The following EXOC1 variants were observed in gnomAD, a reference collection of about 807,000 sequenced individuals.
The protein encoded by EXOC1 is SEC3-like 1.
Under a neutral mutation model 107.7 loss-of-function variants are expected in EXOC1, and 67 were observed. The ratio of observed to expected loss-of-function variants is 0.62; its 90% CI spans 0.51 to 0.76. EXOC1 has a LOEUF of 0.76. Ranked by LOEUF, EXOC1 falls within the 30% of genes least tolerant of loss-of-function variation. EXOC1 has a pLI of 0.00. For synonymous variants in EXOC1, 348 were observed against 353.5 expected (o/e 0.98, Z 0.17); for missense variants, 833 against 1,055.7 (o/e 0.79, Z 2.92).
At chr4:55,876,049 C>T (rs1577719534) in intron 8 of EXOC1, 4 of 984,294 alleles carry the variant, frequency 4.1e-6, no homozygotes, top group Non-Finnish European at 4.8e-6. Context: ...GAAAACATTT[C>T]TGTAATAGAA....
At chr4:55,900,568 A>G (rs902637339) in intron 17 of EXOC1, 1 of 152,204 alleles carries the variant, frequency 6.6e-6, no homozygotes, top group Non-Finnish European at 1.5e-5. Context: ...GTTATCTTTT[A>G]TAAGCTCTTA....
At chr4:55,872,630 GA>G (rs997629346) in intron 8 of EXOC1, 16 of 194,874 alleles carry the variant, frequency 8.2e-5, no homozygotes, top group Middle Eastern at 5.2e-3. Context: ...GTTATAGAAT[GA>G]AAAAAAATTG....
intron 6 of EXOC1, 97 bp downstream of exon 6, chr4:55,871,002 T>G (rs1722378357): frequency 1.3e-6 from 2 of 1,550,100 alleles, no homozygotes; most frequent in Admixed American, 3.9e-5. Context: ...GAACAGGATT[T>G]AAAATAATTC....
At chr4:55,902,287 A>G in intron 17 of EXOC1, 57 bp from the exon 18 acceptor site, 2 of 1,280,378 alleles carry the variant, frequency 1.6e-6, no homozygotes, top group Non-Finnish European at 2.0e-6. Context: ...AGATTTTTTT[A>G]ATGTAAATAA....
chr4:55,890,659 C>T (rs1724425538), intron 12 of EXOC1, among the ~76,000 whole-genome samples: 1 of 151,986 alleles, frequency 6.6e-6, no homozygotes. Context: ...GTTGTTTGGG[C>T]ACCTAAAAAG....
At position 55,875,651 on chromosome 4, in the gene EXOC1, T is replaced by A. The variant is rs778440269; in HGVS notation, c.1075-2266T>A. 19 of 985,150 alleles carry A rather than the reference T, an allele frequency of 1.9e-5. No individual in the cohort carries two copies. In the Admixed American group the frequency reaches 1.2e-3, roughly 61 times the overall value. The allele number at this position is 985,150 out of a possible 1,614,324, so 61.0% of individuals were successfully genotyped here. A position where few individuals can be genotyped will look rare whatever the true frequency, so the allele number is the denominator to read the frequency against. ...TGAGTCTTGAATCATTGAGAAAAAT[T>A]AATGAGGAAGATTGTTTTGGATAAC... On this transcript the variant is annotated intron_variant, in intron 8 of 18. Transcript: ENST00000381295.
intron 18 of EXOC1, 77 bp from the exon 19 acceptor site, chr4:55,904,266 G>A (rs1441226409): frequency 1.5e-6 from 2 of 1,364,576 alleles, no homozygotes; most frequent in Non-Finnish European, 2.0e-6. Context: ...CTTAGAATAT[G>A]CCTTGGCATT....
chr4:55,860,007 C>T (rs1721328105), intron 2 of EXOC1, among the ~76,000 whole-genome samples: 1 of 152,098 alleles, frequency 6.6e-6, no homozygotes, highest in Non-Finnish European at 1.5e-5. Flanking sequence ...ATCGCTGGAG[C>T]CCAGGAGTTT....
chr4:55,890,504 A>C, intron 12 of EXOC1, 118 bp downstream of exon 12: 2 of 592,408 alleles, frequency 3.4e-6, no homozygotes, highest in Admixed American at 3.2e-5. Context: ...AGCATTAACC[A>C]TGTCTTTCCA....
At chr4:55,884,279 C>T (rs945119738) in intron 10 of EXOC1, among the ~76,000 whole-genome samples, 1 of 152,088 alleles carries the variant, frequency 6.6e-6, no homozygotes, top group Admixed American at 6.6e-5. Flanking sequence ...TTAACTGATT[C>T]CCTAAAAGAC....
intron 5 of EXOC1, among the ~76,000 whole-genome samples, chr4:55,869,421 G>A (rs141153521): frequency 6.6e-6 from 1 of 152,164 alleles, no homozygotes; most frequent in East Asian, 1.9e-4. Flanking sequence ...TTATGCTAGA[G>A]TAATCTAAAA....
At chr4:55,895,258 A>T (rs957182729) in intron 15 of EXOC1, among the ~76,000 whole-genome samples, 7 of 152,180 alleles carry the variant, frequency 4.6e-5, no homozygotes, top group African/African-American at 1.7e-4. Context: ...AAGTCTGGGC[A>T]CTTTGCACAC....
At chr4:55,899,291 T>G (rs1725608697) in intron 16 of EXOC1, among the ~76,000 whole-genome samples, 2 of 152,138 alleles carry the variant, frequency 1.3e-5, no homozygotes, top group African/African-American at 4.8e-5. Flanking sequence ...CTTTAGTACT[T>G]ATGATTGTAT....
chr4:55,895,000 A>G (rs927918976), intron 15 of EXOC1, among the ~76,000 whole-genome samples: 45 of 152,182 alleles, frequency 3.0e-4, no homozygotes, highest in Admixed American at 1.2e-3. Context: ...TTCTCAAGGC[A>G]TGGCACTAGA....
At chr4:55,863,270 G>C (rs564246438) in intron 3 of EXOC1, among the ~76,000 whole-genome samples, 2 of 152,080 alleles carry the variant, frequency 1.3e-5, no homozygotes, top group East Asian at 3.9e-4. Context: ...GTGGATTATT[G>C]CTATAATGTG....
intron 9 of EXOC1, chr4:55,882,741 A>C (rs1723525284): frequency 6.6e-6 from 1 of 152,226 alleles, no homozygotes; most frequent in Non-Finnish European, 1.5e-5. Context: ...ATATTTACAC[A>C]ACATGTACCT....
chr4:55,881,227 G>A (rs1723347718), intron 9 of EXOC1, among the ~76,000 whole-genome samples: 1 of 152,104 alleles, frequency 6.6e-6, no homozygotes, highest in Non-Finnish European at 1.5e-5. Context: ...ACCTTCGTCT[G>A]CAACTCTGGG....
At chr4:55,877,734 A>G in intron 8 of EXOC1, 183 bp from the exon 9 acceptor site, 2 of 985,244 alleles carry the variant, frequency 2.0e-6, no homozygotes, top group Non-Finnish European at 2.4e-6. Flanking sequence ...TGTTCATTTG[A>G]TATACACAGG....
intron 8 of EXOC1, among the ~76,000 whole-genome samples, chr4:55,873,872 C>T (rs183598367): frequency 6.6e-6 from 1 of 152,218 alleles, no homozygotes; most frequent in African/African-American, 2.4e-5. Flanking sequence ...CTTTGGCAAT[C>T]ACAGAATTTT....
Sources: gnomAD v4.1 joint callset for allele counts (sites outside exome capture counted in the v4.1 genomes callset) on GRCh38, gnomAD v4.1.1 for gene constraint, MANE v1.5 for transcripts, NCBI Gene and HGNC (gene_info 2026-07-23, HGNC 2026-07-21) for gene names.